Variants in TTC6 observed in about 807,000 individuals in gnomAD.
The protein encoded by TTC6 is tetratricopeptide repeat protein 6.
TTC6 carries 172 observed loss-of-function variants against 210.4 expected under a neutral mutation model. The ratio of observed to expected loss-of-function variants is 0.82; its 90% CI spans 0.72 to 0.93. The LOEUF (loss-of-function observed/expected upper bound fraction) is 0.93, where lower values mean the gene tolerates loss of function less well. Among genes scored for constraint, TTC6 ranks in the 40% least tolerant of loss-of-function variants. TTC6 has a pLI of 0.00. For missense variants in TTC6, 2,414 were observed against 2,318.1 expected (o/e 1.04, Z -0.85); for synonymous variants, 804 against 819.6 (o/e 0.98, Z 0.32).
intron 6 of TTC6, among the ~76,000 whole-genome samples, chr14:37,723,509 A>T (rs2095865847): frequency 6.6e-6 from 1 of 152,152 alleles, no homozygotes; most frequent in South Asian, 2.1e-4. Flanking sequence ...GGGTCATTCT[A>T]GTTTCCTTCC....
chr14:37,756,817 T>G (rs139186308), intron 14 of TTC6, among the ~76,000 whole-genome samples: 1 of 152,144 alleles, frequency 6.6e-6, no homozygotes, highest in Non-Finnish European at 1.5e-5. Flanking sequence ...TCTTTTTTTT[T>G]GTTGTGTCTC....
At chr14:37,842,237 T>G in exon 31 of TTC6, 1 of 1,609,722 alleles carries the variant, frequency 6.2e-7, no homozygotes, top group Non-Finnish European at 8.5e-7. Flanking sequence ...TTGAGGAAGC[T>G]ATGGCTGACT....
At position 37,638,876 on chromosome 14, in the gene TTC6, A is replaced by G. The variant is rs571913165; in HGVS notation, c.939+15873A>G. Among the ~76,000 whole-genome samples the G allele has an allele frequency of 1.4e-4, 21 of 152,340 alleles. 1 individual carries two copies. Among genetic ancestry groups the G allele is most frequent in the African/African-American group, 2.2e-4 (9 of 41,590 alleles). On this transcript the variant is annotated intron_variant, in intron 1 of 30. Coordinates refer to ENST00000553443, the Ensembl canonical transcript of TTC6. Reference sequence around the variant, plus strand: ...TTTATAAAAGTGTGTGCCTGTTTTTATAAGAAGATACATATGAAAATAATA... The same window carrying G: ...TTTATAAAAGTGTGTGCCTGTTTTTGTAAGAAGATACATATGAAAATAATA...
chr14:37,726,099 T>G (rs980452667), intron 7 of TTC6, among the ~76,000 whole-genome samples: 1 of 151,988 alleles, frequency 6.6e-6, no homozygotes, highest in Non-Finnish European at 1.5e-5. Flanking sequence ...CCTTTTTTTT[T>G]CTTGGTTACA....
intron 14 of TTC6, among the ~76,000 whole-genome samples, chr14:37,763,179 C>T (rs1188684258): frequency 1.3e-5 from 2 of 152,192 alleles, no homozygotes; most frequent in East Asian, 3.9e-4. Context: ...TGAGCCACTG[C>T]ACCCGGCCCT....
intron 7 of TTC6, among the ~76,000 whole-genome samples, chr14:37,727,815 A>G (rs1023252689): frequency 1.3e-5 from 2 of 151,922 alleles, no homozygotes; most frequent in African/African-American, 4.8e-5. Flanking sequence ...CGTTGGAATT[A>G]TTTTGTTTAA....
chr14:37,747,671 C>T (rs1222950522), intron 10 of TTC6, among the ~76,000 whole-genome samples: 1 of 152,102 alleles, frequency 6.6e-6, no homozygotes, highest in Non-Finnish European at 1.5e-5. Flanking sequence ...AAGACAGAGA[C>T]CAGGCGATCC....
chr14:37,736,074 A>T, intron 8 of TTC6, 64 bp downstream of exon 10: 4 of 844,434 alleles, frequency 4.7e-6, no homozygotes, highest in Non-Finnish European at 5.5e-6. Flanking sequence ...CCAGATATTA[A>T]TTATGGTAAT....
intron 25 of TTC6, among the ~76,000 whole-genome samples, 159 bp downstream of exon 27, chr14:37,812,592 GA>G (rs1384050078): frequency 7.5e-6 from 1 of 132,458 alleles, no homozygotes; most frequent in Non-Finnish European, 1.8e-5. Flanking sequence ...TAGGCTCTTT[GA>G]AAAAATGTAT....
Position 37,792,429 on chromosome 14 carries a change from A to AG in TTC6, c.3708+16dup, listed in dbSNP as rs2096082096. 1.4e-6 allele frequency: 2 copies of AG among 1,454,588 alleles called. No individual in the cohort carries two copies. Among genetic ancestry groups the AG allele is most frequent in the Admixed American group, 6.0e-5 (2 of 33,264 alleles). The allele number at this position is 1,454,588 out of a possible 1,614,324, so 90.1% of individuals were successfully genotyped here. On this transcript the variant is annotated intron_variant, in intron 17 of 30. Transcript: ENST00000553443. ...CCTATTTTAAGGTATTTAAGGCTCG[A>AG]GAACCTTGATTTTTTTAAAAAAACT...
intron 5 of TTC6, among the ~76,000 whole-genome samples, chr14:37,713,964 C>A (rs1424552662): frequency 6.6e-6 from 1 of 152,058 alleles, no homozygotes; most frequent in Admixed American, 6.6e-5. Flanking sequence ...TGGCACATGA[C>A]TGTGTATATA....
At chr14:37,737,840 T>A (rs1309202046) in intron 9 of TTC6, 106 bp downstream of exon 11, 1 of 572,664 alleles carries the variant, frequency 1.7e-6, no homozygotes, top group Non-Finnish European at 2.9e-6. Flanking sequence ...TATTATATTC[T>A]CTAGTCTAAT....
At chr14:37,782,037 G>C (rs1042880040) in intron 14 of TTC6, among the ~76,000 whole-genome samples, 1 of 152,100 alleles carries the variant, frequency 6.6e-6, no homozygotes, top group African/African-American at 2.4e-5. Context: ...TAGCCTTGTA[G>C]TATAGTTTGA....
chr14:37,788,407 A>G (rs2096072601), intron 15 of TTC6, among the ~76,000 whole-genome samples: 1 of 152,140 alleles, frequency 6.6e-6, no homozygotes, highest in African/African-American at 2.4e-5. Flanking sequence ...AGATGAAGAG[A>G]CAACTAGATT....
intron 7 of TTC6, among the ~76,000 whole-genome samples, chr14:37,731,073 C>T (rs138585352): frequency 5.7e-4 from 87 of 152,270 alleles, no homozygotes; most frequent in African/African-American, 2.0e-3. Flanking sequence ...CATAAAGTCA[C>T]CTCAAGCACT....
intron 17 of TTC6, among the ~76,000 whole-genome samples, chr14:37,793,290 C>A (rs1257784712): frequency 2.6e-5 from 4 of 152,198 alleles, no homozygotes; most frequent in Non-Finnish European, 5.9e-5. Flanking sequence ...TGCCTTTCTA[C>A]CTTTGTCTCC....
intron 14 of TTC6, among the ~76,000 whole-genome samples, chr14:37,776,727 C>CA (rs1483585791): frequency 7.1e-6 from 1 of 140,388 alleles, no homozygotes; most frequent in East Asian, 2.3e-4. Context: ...CCGTCTCTAC[C>CA]AAAAAAATAC....
At chr14:37,820,650 A>G (rs1052151901) in intron 26 of TTC6, among the ~76,000 whole-genome samples, 6 of 152,184 alleles carry the variant, frequency 3.9e-5, no homozygotes, top group African/African-American at 7.2e-5. Context: ...GGTGGAGAAT[A>G]TAAGAGAAGG....
exon 1 of TTC6, chr14:37,622,277 G>T (rs1268697020): frequency 1.3e-6 from 2 of 1,535,096 alleles, no homozygotes; most frequent in Non-Finnish European, 8.7e-7. Flanking sequence ...CCGCAGCCCG[G>T]ACGTCGAGAA....
Sources: allele counts gnomAD v4.1 joint callset (sites outside exome capture counted in the v4.1 genomes callset), GRCh38; gene constraint gnomAD v4.1.1; transcripts MANE v1.5; gene names NCBI Gene and HGNC (gene_info 2026-07-23, HGNC 2026-07-21).